NRP2: variants seen among roughly 807,000 people sequenced by gnomAD.
The protein encoded by NRP2 is neuropilin-2.
NRP2 carries 52 observed loss-of-function variants against 110.4 expected under a neutral mutation model. That is an observed-to-expected ratio of 0.47 (90% CI 0.38 to 0.59). The LOEUF (loss-of-function observed/expected upper bound fraction) is 0.59. NRP2 is among the 20% of genes least tolerant of loss of function. The pLI, the probability that NRP2 is intolerant of heterozygous loss-of-function variation, is 0.00. For missense variants in NRP2, 1,049 were observed against 1,203.0 expected, an observed-to-expected ratio of 0.87 and a Z score of 1.89; for synonymous variants, 508 against 468.9, an observed-to-expected ratio of 1.08 and a Z score of -1.08.
intron 6 of NRP2, 148 bp downstream of exon 6, chr2:205,726,230 TG>T: frequency 1.1e-6 from 1 of 871,988 alleles, no homozygotes; most frequent in Non-Finnish European, 1.8e-6. Flanking sequence ...CAAACAGATG[TG>T]TATGCCAGGC....
chr2:205,782,834 T>C (rs2058191497), intron 15 of NRP2, among the ~76,000 whole-genome samples: 1 of 152,080 alleles, frequency 6.6e-6, no homozygotes, highest in African/African-American at 2.4e-5. Context: ...CCCCTGTTGA[T>C]GAGTGTTCAG....
intron 15 of NRP2, among the ~76,000 whole-genome samples, chr2:205,784,745 T>C (rs2058217340): frequency 6.6e-6 from 1 of 152,192 alleles, no homozygotes; most frequent in Admixed American, 6.5e-5. Context: ...ATCCCCTTTC[T>C]GCACCTTCCC....
rs2056173407 is a variant in NRP2, at chr2:205,686,677, G to A, written c.73+3314G>A. Among the ~76,000 whole-genome samples, 4 of 152,278 alleles carry A rather than the reference G, an allele frequency of 2.6e-5. No individual in the cohort carries two copies. In the East Asian group the frequency reaches 7.7e-4, roughly 29 times the overall value. On this transcript the variant is annotated intron_variant, in intron 1 of 16. Transcript: ENST00000357785. This position sits in a 1 kb window ranked among gnomAD's most constrained non-coding sequence, Gnocchi z 4.7. ...AATCATCTGGGTTGGGGAACCTTCGGGAATCAGCTTTCCAGACCAAGTTTT... is the reference window on the plus strand; with the variant it reads ...AATCATCTGGGTTGGGGAACCTTCGAGAATCAGCTTTCCAGACCAAGTTTT...
chr2:205,723,879 G>C lies in NRP2; in HGVS notation c.759G>C (p.Met253Ile). 1 of 1,614,220 alleles carries C rather than the reference G, an allele frequency of 6.2e-7. No individual in the cohort carries two copies. Among genetic ancestry groups the C allele is most frequent in the Non-Finnish European group, 8.5e-7 (1 of 1,180,048 alleles). ...TCTCCCTGACCTTTCACACGGACATGGCGGTGGCCAAGGATGGCTTCTCTG... is the reference window on the plus strand; with the variant it reads ...TCTCCCTGACCTTTCACACGGACATCGCGGTGGCCAAGGATGGCTTCTCTG... ...GILSLTFHTD[M>I]AVAKDGFSAR... Residue 253 changes from methionine to isoleucine, a missense_variant, in exon 5 of 17, where the codon ATG (methionine) becomes ATC (isoleucine). Transcript: ENST00000357785.
chr2:205,714,618 C>G (rs1394911907), intron 2 of NRP2, among the ~76,000 whole-genome samples: 3 of 152,188 alleles, frequency 2.0e-5, no homozygotes, highest in Non-Finnish European at 2.9e-5. Flanking sequence ...AACCACAGAC[C>G]TAAACAGATT....
chr2:205,770,857 C>T (rs2058011045), intron 15 of NRP2, among the ~76,000 whole-genome samples: 1 of 152,132 alleles, frequency 6.6e-6, no homozygotes, highest in African/African-American at 2.4e-5. Context: ...CGGGTAACTG[C>T]TTGGCGGCCA....
At position 205,745,752 on chromosome 2, in the gene NRP2, G is replaced by A. The variant is rs935324633; in HGVS notation, c.1648G>A (p.Glu550Lys). Residue 550 changes from glutamate (E) to lysine (K), a missense_variant, in exon 10 of 17, where the codon GAA (glutamate) becomes AAA (lysine). Glu to Lys is a moderately conservative substitution (Grantham distance 56). Transcript: ENST00000357785. ...GTGGCCTCTCTCCCTGCAGCTGTTC[G>A]AAGGGAACATGCACTATGACACCCC... is the stretch of plus-strand genomic sequence containing the variant. ...DPRTQQPKLFEGNMHYDTPDI... is the reference protein window; with the variant it reads ...DPRTQQPKLFKGNMHYDTPDI... 6.2e-6 allele frequency: 10 copies of A among 1,614,136 alleles called. No homozygotes were observed. Among genetic ancestry groups the A allele is most frequent in the South Asian group, 1.1e-5 (1 of 91,062 alleles).
chr2:205,776,255 T>G (rs147520159), intron 15 of NRP2: 22 of 1,612,854 alleles, frequency 1.4e-5, no homozygotes, highest in Non-Finnish European at 1.6e-5. Context: ...GGGGGCACCC[T>G]CCTGCCAGGG....
intron 7 of NRP2, among the ~76,000 whole-genome samples, chr2:205,733,328 C>A (rs2057278069): frequency 6.6e-6 from 1 of 152,156 alleles, no homozygotes. Context: ...ACTCCAAGGC[C>A]CCGGCTGTGC....
intron 2 of NRP2, among the ~76,000 whole-genome samples, chr2:205,699,838 C>T (rs377486625): frequency 4.6e-5 from 7 of 152,176 alleles, no homozygotes; most frequent in African/African-American, 1.4e-4. Flanking sequence ...TGAAGGAGGT[C>T]AGAAAAAAAT....
intron 2 of NRP2, chr2:205,700,631 G>A (rs2056532710): frequency 4.0e-6 from 2 of 496,342 alleles, no homozygotes; most frequent in East Asian, 5.6e-5. Flanking sequence ...CATCCCAAAG[G>A]TTGAGACGGT....
rs374465658 is a variant in NRP2 at position 205,770,169 on chromosome 2, C to A, written c.2425+3366C>A. Among the ~76,000 whole-genome samples the A allele has an allele frequency of 1.8e-4, 28 of 152,242 alleles. No individual in the cohort carries two copies. The East Asian group carries it at 5.2e-3, about 28-fold the overall frequency. On this transcript the variant is annotated intron_variant, in intron 15 of 16. Coordinates refer to ENST00000357785, the MANE Select transcript of NRP2 (RefSeq NM_003872.3). ...GGAAGGATTCAGAATGACTGTCCTA[C>A]GCTAGTGGATGCTAAAAGGAACATC...
chr2:205,745,913 T>A (rs1559343988), intron 10 of NRP2, 23 bp downstream of exon 10: 1 of 1,613,646 alleles, frequency 6.2e-7, no homozygotes, highest in African/African-American at 1.3e-5. Context: ...TTCCTCCTCT[T>A]TGCATCTCAC....
At chr2:205,764,807 T>TA (rs1379193103) in intron 13 of NRP2, among the ~76,000 whole-genome samples, 1 of 152,190 alleles carries the variant, frequency 6.6e-6, no homozygotes, top group Non-Finnish European at 1.5e-5. Context: ...GGTTCCCACT[T>TA]ACTCACCTGA....
chr2:205,727,885 C>G lies in NRP2; in HGVS notation c.991-6C>G. On this transcript the variant is annotated splice_region_variant and splice_polypyrimidine_tract_variant and intron_variant, in intron 6 of 16. Transcript: ENST00000357785. Reference sequence around the variant, plus strand: ...TGGTCTCTTACTCCAGCCCTCTATTCCCCAGGTGGACCTGCGCTTTTTAAC... The same window carrying G: ...TGGTCTCTTACTCCAGCCCTCTATTGCCCAGGTGGACCTGCGCTTTTTAAC... The G allele has an allele frequency of 6.2e-7, 1 of 1,611,698 alleles. No homozygotes were observed. Among genetic ancestry groups the G allele is most frequent in the Non-Finnish European group, 8.5e-7 (1 of 1,178,920 alleles).
At chr2:205,792,581 C>T (rs1449470199) in intron 16 of NRP2, among the ~76,000 whole-genome samples, 2 of 152,214 alleles carry the variant, frequency 1.3e-5, no homozygotes, top group Non-Finnish European at 2.9e-5. Flanking sequence ...AGTGAAAGAT[C>T]AGCTCCTCCA....
chr2:205,695,725 T>C (rs2056410211), intron 1 of NRP2, among the ~76,000 whole-genome samples: 1 of 152,208 alleles, frequency 6.6e-6, no homozygotes, highest in Admixed American at 6.5e-5. Context: ...GCTGGTGATC[T>C]ATGTCCTCAC....
chr2:205,738,087 T>C (rs2057376469), intron 7 of NRP2, among the ~76,000 whole-genome samples: 1 of 152,180 alleles, frequency 6.6e-6, no homozygotes, highest in South Asian at 2.1e-4. Context: ...TAAGATAAAA[T>C]TGGATATTAA....
chr2:205,706,625 T>C (rs1575563217), intron 2 of NRP2, among the ~76,000 whole-genome samples: 2 of 152,214 alleles, frequency 1.3e-5, no homozygotes, highest in African/African-American at 4.8e-5. Context: ...GATTTATCTA[T>C]GTGTCATCTT....
Sources: gnomAD v4.1 joint callset for allele counts (sites outside exome capture counted in the v4.1 genomes callset) on GRCh38, gnomAD v4.1.1 for gene constraint, Gnocchi (gnomAD v3.1) non-coding constraint, MANE v1.5 for transcripts, NCBI Gene and HGNC (gene_info 2026-07-23, HGNC 2026-07-21) for gene names.